Variants in RFX7 observed in about 807,000 individuals in gnomAD.
The protein encoded by RFX7 is regulatory factor X7.
A neutral mutation model predicts 111.8 loss-of-function variants in RFX7; 26 were observed. The observed-to-expected ratio is 0.23, with a 90% CI of 0.17 to 0.32. The LOEUF (loss-of-function observed/expected upper bound fraction) is 0.32. RFX7 is among the 10% of genes least tolerant of loss of function. The probability of loss-of-function intolerance (pLI) is 1.00; values close to 1 mark genes in which losing one functional copy is unlikely to be tolerated. For missense variants in RFX7, 1,573 were observed against 1,772.9 expected (o/e 0.89, Z 2.02); for synonymous variants, 624 against 624.4 (o/e 1.00, Z 0.01).
At chr15:56,144,544 A>C (rs184575937) in intron 3 of RFX7, 61 bp from the exon 4 acceptor site, 2 of 817,866 alleles carry the variant, frequency 2.4e-6, no homozygotes, top group Non-Finnish European at 3.8e-6. Flanking sequence ...TTCCCCAAAC[A>C]AAATTTACTA....
Position 56,179,253 on chromosome 15 carries a change from TTA to T in RFX7, c.195+15_195+16del, listed in dbSNP as rs1315141064. On this transcript the variant is annotated intron_variant, in intron 3 of 9. Coordinates refer to ENST00000559447, the MANE Select transcript of RFX7 (RefSeq NM_022841.7). The stretch of plus-strand genomic sequence containing the variant: ...ACCTTATTGCAAAAGGATTTTAATA[TTA>T]GTTATTTCACTTACCAAAATGCAGT... The T allele has an allele frequency of 8.2e-7, 1 of 1,213,752 alleles. No homozygotes were observed. Among genetic ancestry groups the T allele is most frequent in the Non-Finnish European group, 1.1e-6 (1 of 910,708 alleles). 75.2% of individuals were successfully genotyped at this position (1,213,752 alleles called of 1,614,324 possible).
intron 3 of RFX7, among the ~76,000 whole-genome samples, chr15:56,168,183 A>G (rs1311822528): frequency 6.6e-6 from 1 of 152,208 alleles, no homozygotes; most frequent in Non-Finnish European, 1.5e-5. Context: ...CAAAATGACA[A>G]TGATGACACA....
At chr15:56,134,101 C>G (rs529175211) in intron 5 of RFX7, among the ~76,000 whole-genome samples, 4 of 152,196 alleles carry the variant, frequency 2.6e-5, no homozygotes, top group African/African-American at 9.6e-5. Context: ...TATTACTCAA[C>G]TTTAACACGC....
intron 5 of RFX7, among the ~76,000 whole-genome samples, chr15:56,137,380 T>C (rs1206850920): frequency 6.6e-6 from 1 of 152,248 alleles, no homozygotes; most frequent in Non-Finnish European, 1.5e-5. Context: ...CCATTTCTTC[T>C]AGATTTTCTA....
At chr15:56,223,355 T>C (rs1287680486) in intron 2 of RFX7, among the ~76,000 whole-genome samples, 1 of 152,168 alleles carries the variant, frequency 6.6e-6, no homozygotes, top group African/African-American at 2.4e-5. Flanking sequence ...TCCTTTATCC[T>C]ACTAAACCTC....
chr15:56,183,818 T>A (rs894239535), intron 2 of RFX7, among the ~76,000 whole-genome samples: 10 of 138,276 alleles, frequency 7.2e-5, no homozygotes, highest in African/African-American at 2.5e-4. Context: ...AGAAGATGAC[T>A]GATAATTTGC....
chr15:56,098,867 T>C (rs573303270), intron 8 of RFX7, among the ~76,000 whole-genome samples: 74 of 152,336 alleles, frequency 4.9e-4, no homozygotes, highest in Admixed American at 1.4e-3. Flanking sequence ...AATAAATTTG[T>C]ATGGAGAAAA....
chr15:56,193,575 A>G (rs979031829), intron 2 of RFX7, among the ~76,000 whole-genome samples: 42 of 152,274 alleles, frequency 2.8e-4, no homozygotes, highest in African/African-American at 9.1e-4. Flanking sequence ...TTAGATTTTA[A>G]AAAACAAAAT....
At chr15:56,218,221 C>G (rs1438635465) in intron 2 of RFX7, among the ~76,000 whole-genome samples, 7 of 114,424 alleles carry the variant, frequency 6.1e-5, no homozygotes, top group Non-Finnish European at 9.7e-5. Flanking sequence ...ATGGCGCGTT[C>G]TCGGCTCACT....
chr15:56,221,312 A>G (rs1165633724), intron 2 of RFX7, among the ~76,000 whole-genome samples: 3 of 152,242 alleles, frequency 2.0e-5, no homozygotes. Context: ...ATACATGAGC[A>G]TGGAATGTGT....
At chr15:56,230,390 A>G (rs1206715288) in intron 2 of RFX7, among the ~76,000 whole-genome samples, 5 of 152,224 alleles carry the variant, frequency 3.3e-5, no homozygotes, top group African/African-American at 1.2e-4. Flanking sequence ...ACAAATGATT[A>G]CTTCAGTTTC....
intron 2 of RFX7, among the ~76,000 whole-genome samples, chr15:56,239,808 T>G (rs1722455340): frequency 6.6e-6 from 1 of 152,110 alleles, no homozygotes; most frequent in Non-Finnish European, 1.5e-5. Context: ...AGAAACCATC[T>G]CAATCCTATT....
At chr15:56,152,012 C>G (rs1438847337) in intron 3 of RFX7, among the ~76,000 whole-genome samples, 1 of 152,138 alleles carries the variant, frequency 6.6e-6, no homozygotes, top group East Asian at 1.9e-4. Flanking sequence ...GCTAACTATC[C>G]TAAATATATA....
At chr15:56,099,699 T>C (rs1287194395) in intron 8 of RFX7, among the ~76,000 whole-genome samples, 3 of 151,852 alleles carry the variant, frequency 2.0e-5, no homozygotes, top group Non-Finnish European at 2.9e-5. Flanking sequence ...TTGAAAAATA[T>C]AGTAAGGGCT....
At position 56,229,352 on chromosome 15, in the gene RFX7, G is replaced by A. The variant is rs192782684; in HGVS notation, c.161+13773C>T. Among the ~76,000 whole-genome samples the A allele has an allele frequency of 1.6e-4, 25 of 152,052 alleles. 1 individual carries two copies. The highest frequency in any genetic ancestry group is 9.7e-4 in the East Asian group (5 of 5,150). On this transcript the variant is annotated intron_variant, in intron 2 of 9. Coordinates refer to ENST00000559447, the MANE Select transcript of RFX7 (RefSeq NM_022841.7). ...AGGATCTCGGCTCACTGCGAGCTCC[G>A]CCTCCCAGGTTCACGCCATTCTCCT...
intron 3 of RFX7, among the ~76,000 whole-genome samples, chr15:56,167,126 G>T (rs1333192805): frequency 6.6e-6 from 1 of 151,888 alleles, no homozygotes; most frequent in African/African-American, 2.4e-5. Context: ...GCAACATAAT[G>T]AAACCTCATC....
chr15:56,212,328 T>C (rs1054091315), intron 2 of RFX7, among the ~76,000 whole-genome samples: 4 of 152,042 alleles, frequency 2.6e-5, no homozygotes, highest in African/African-American at 9.7e-5. Flanking sequence ...AGTACAAAGA[T>C]CAGTGGTTGC....
intron 5 of RFX7, among the ~76,000 whole-genome samples, chr15:56,123,551 C>A (rs2042104366): frequency 6.6e-6 from 1 of 152,190 alleles, no homozygotes; most frequent in Admixed American, 6.5e-5. Context: ...CTGATGCAGG[C>A]ACTCCCTTGG....
intron 3 of RFX7, among the ~76,000 whole-genome samples, chr15:56,156,547 ACT>A (rs1390818920): frequency 2.0e-5 from 3 of 151,988 alleles, no homozygotes; most frequent in Non-Finnish European, 4.4e-5. Flanking sequence ...TTTATTTGTG[ACT>A]CTTGTGGCCT....
Sources: allele counts gnomAD v4.1 joint callset (sites outside exome capture counted in the v4.1 genomes callset), GRCh38; gene constraint gnomAD v4.1.1; transcripts MANE v1.5; gene names NCBI Gene and HGNC (gene_info 2026-07-23, HGNC 2026-07-21).